The following ACTR1A variants were observed in gnomAD, a reference collection of about 807,000 sequenced individuals.
ACTR1A encodes the protein alpha-centractin.
Under a neutral mutation model 50.7 loss-of-function variants are expected in ACTR1A, and 10 were observed. The ratio of observed to expected loss-of-function variants is 0.20; its 90% CI spans 0.12 to 0.33. ACTR1A has a LOEUF of 0.33. Among genes scored for constraint, ACTR1A ranks in the 10% least tolerant of loss-of-function variants. ACTR1A has a pLI of 1.00. For missense variants in ACTR1A, 253 were observed against 491.7 expected (o/e 0.51, Z 4.59); for synonymous variants, 177 against 184.2 (o/e 0.96, Z 0.32).
chr10:102,498,338 A>T (rs715440), intron 1 of ACTR1A, among the ~76,000 whole-genome samples: 67,557 of 147,488 alleles, frequency 0.46, 16,188 homozygotes, highest in Middle Eastern at 0.6. Flanking sequence ...TTTTTTTTTT[A>T]AAGGGGGCTG....
At chr10:102,485,542 A>G in intron 5 of ACTR1A, 67 bp downstream of exon 5, 1 of 1,600,760 alleles carries the variant, frequency 6.2e-7, no homozygotes, top group East Asian at 2.2e-5. Context: ...TCCAGAGGAG[A>G]GCCAGCCTCA....
Position 102,479,352 on chromosome 10 carries a change from C to G in ACTR1A, c.*1511G>C, listed in dbSNP as rs941444389. 2.7e-6 allele frequency: 1 copy of G among 372,456 alleles called. No homozygotes were observed. The highest frequency in any genetic ancestry group is 5.2e-6 in the Non-Finnish European group (1 of 191,774). The allele number at this position is 372,456 out of a possible 1,614,324, so 23.1% of individuals were successfully genotyped here. ...AAGGGAGGTGAGTTGGTTAAGCGCA[C>G]TGCAGTCCGCGGGGCGCTACGTTGC... On this transcript the variant is annotated 3_prime_UTR_variant, in exon 11 of 11. Transcript: ENST00000369905. The surrounding 1 kb of genome is among the most constrained non-coding windows in gnomAD (Gnocchi z 4.0).
Position 102,480,599 on chromosome 10 carries a change from A to C in ACTR1A, c.*264T>G. The C allele has an allele frequency of 2.0e-6, 1 of 510,840 alleles. No individual in the cohort carries two copies. Among genetic ancestry groups the C allele is most frequent in the South Asian group, 2.4e-5 (1 of 41,266 alleles). The allele number at this position is 510,840 out of a possible 1,614,324, so 31.6% of individuals were successfully genotyped here. ...ACAGCCAGCCAGAGGCCACCTGAGG[A>C]GGGAGCACAGCCTCTGCCAGCGCTC... is the stretch of plus-strand genomic sequence containing the variant. On this transcript the variant is annotated 3_prime_UTR_variant, in exon 11 of 11. Transcript: ENST00000369905.
In ACTR1A at chr10:102,483,819, T is replaced by C. The variant is rs376803047; in HGVS notation, c.657+341A>G. The C allele has an allele frequency of 1.4e-4, 40 of 292,544 alleles. 1 individual carries two copies. In the East Asian group the frequency reaches 3.0e-3, roughly 22 times the overall value. The allele number at this position is 292,544 out of a possible 1,614,324, so 18.1% of individuals were successfully genotyped here. A position where few individuals can be genotyped will look rare whatever the true frequency, so the allele number is the denominator to read the frequency against. The stretch of plus-strand genomic sequence containing the variant: ...GAGATCACACCATTGCACTGCAGCC[T>C]GGGCGACAGAGCGAGACTCCATCTC... On this transcript the variant is annotated intron_variant, in intron 6 of 10. Transcript: ENST00000369905.
At position 102,479,766 on chromosome 10, in the gene ACTR1A, T is replaced by A; in HGVS notation, c.*1097A>T. 8.8e-6 allele frequency: 9 copies of A among 1,019,546 alleles called. No homozygotes were observed. The highest frequency in any genetic ancestry group is 1.2e-5 in the Non-Finnish European group (9 of 764,334). 63.2% of individuals were successfully genotyped at this position (1,019,546 alleles called of 1,614,324 possible). On this transcript the variant is annotated 3_prime_UTR_variant, in exon 11 of 11. Transcript: ENST00000369905. The surrounding 1 kb of genome is among the most constrained non-coding windows in gnomAD (Gnocchi z 4.0). ...TTTCTCCAGTCTTAAGGGCACTGGC[T>A]CTCCAACACCCCTCCCTTGCTTAGG...
At chr10:102,481,272 C>A in intron 9 of ACTR1A, 100 bp from the exon 10 acceptor site, 1 of 1,344,516 alleles carries the variant, frequency 7.4e-7, no homozygotes, top group East Asian at 2.3e-5. Flanking sequence ...ATACATTTTA[C>A]ACAAGCCTGA....
intron 1 of ACTR1A, among the ~76,000 whole-genome samples, chr10:102,495,455 G>T (rs2062215509): frequency 1.3e-5 from 2 of 151,886 alleles, no homozygotes; most frequent in African/African-American, 2.4e-5. Context: ...TGTAGTCCCA[G>T]CTACTCTGGA....
Position 102,483,079 on chromosome 10 carries a change from G to T in ACTR1A, c.682C>A (p.Pro228Thr). 1 of 1,614,142 alleles carries T rather than the reference G, an allele frequency of 6.2e-7. No individual in the cohort carries two copies. Among genetic ancestry groups the T allele is most frequent in the Non-Finnish European group, 8.5e-7 (1 of 1,179,994 alleles). The change falls in exon 7 of 11, where the codon CCC becomes ACC. Residue 228 changes from proline (P) to threonine (T), a missense_variant. Physicochemically the swap from Pro to Thr is conservative, Grantham distance 38. This residue lies in a region of ACTR1A where 116 missense variants were observed against 155.9 expected (regional missense o/e 0.74). Transcript: ENST00000369905. Reference protein sequence around the residue: ...KERACYLSINPQKDETLETEK... With the variant: ...KERACYLSINTQKDETLETEK... ...GTCTCTAGCGTCTCATCCTTTTGGG[G>T]GTTTATGGATAGGTAACAGGCTCTC... is the stretch of plus-strand genomic sequence containing the variant.
chr10:102,489,012 A>T (rs370429641), intron 3 of ACTR1A, 51 bp downstream of exon 3: 56 of 1,382,282 alleles, frequency 4.1e-5, no homozygotes, highest in Non-Finnish European at 5.3e-5. Context: ...TGTGGTGAAT[A>T]ATGAAGGTCC....
Position 102,488,138 on chromosome 10 carries a change from C to T in ACTR1A, c.315+12G>A. On this transcript the variant is annotated intron_variant, in intron 4 of 10. Transcript: ENST00000369905. This position sits in a 1 kb window ranked among gnomAD's most constrained non-coding sequence, Gnocchi z 4.4. Reference sequence around the variant, plus strand: ...ATACCCTACAGGAGTGCCCTACACACAGGATCCTCACCTCCTCTGAGAAAG... The same window carrying T: ...ATACCCTACAGGAGTGCCCTACACATAGGATCCTCACCTCCTCTGAGAAAG... 1 of 1,609,744 alleles carries T rather than the reference C, an allele frequency of 6.2e-7. No individual in the cohort carries two copies. The highest frequency in any genetic ancestry group is 8.5e-7 in the Non-Finnish European group (1 of 1,176,338).
At chr10:102,502,507 CAA>C in intron 1 of ACTR1A, 91 bp downstream of exon 1, 1 of 1,430,396 alleles carries the variant, frequency 7.0e-7, no homozygotes, top group Non-Finnish European at 9.8e-7. Flanking sequence ...GGGCCAGTGA[CAA>C]AGAGCCGGCG....
chr10:102,482,964 G>C lies in ACTR1A; in HGVS notation c.750+47C>G. 6.7e-7 allele frequency: 1 copy of C among 1,487,230 alleles called. No homozygotes were observed. Among genetic ancestry groups the C allele is most frequent in the Non-Finnish European group, 9.4e-7 (1 of 1,065,148 alleles). The allele number at this position is 1,487,230 out of a possible 1,614,324, so 92.1% of individuals were successfully genotyped here. A position where few individuals can be genotyped will look rare whatever the true frequency, so the allele number is the denominator to read the frequency against. On this transcript the variant is annotated intron_variant, in intron 7 of 10. Transcript: ENST00000369905. This position sits in a 1 kb window ranked among gnomAD's most constrained non-coding sequence, Gnocchi z 5.6. The stretch of plus-strand genomic sequence containing the variant: ...ATGGAGAATTCTGGTTGGGCCCAGA[G>C]CTTTTGTGGACCTAAGGGGACCGAA...
chr10:102,481,511 G>A (rs971103422), intron 9 of ACTR1A, among the ~76,000 whole-genome samples: 6 of 152,182 alleles, frequency 3.9e-5, no homozygotes, highest in Non-Finnish European at 8.8e-5. Context: ...GGAGCCACCT[G>A]GGCAGGGGGC....
chr10:102,479,359 C>T lies in ACTR1A; in HGVS notation c.*1504G>A, dbSNP rs2062126276. ...GTGAGTTGGTTAAGCGCACTGCAGT[C>T]CGCGGGGCGCTACGTTGCTTTCACA... is the stretch of plus-strand genomic sequence containing the variant. On this transcript the variant is annotated 3_prime_UTR_variant, in exon 11 of 11. Transcript: ENST00000369905. This position sits in a 1 kb window ranked among gnomAD's most constrained non-coding sequence, Gnocchi z 4.0. The T allele has an allele frequency of 8.1e-6, 3 of 370,096 alleles. 1 individual carries two copies. In the Admixed American group the frequency reaches 1.1e-4, roughly 13 times the overall value. The allele number at this position is 370,096 out of a possible 1,614,324, so 22.9% of individuals were successfully genotyped here.
In ACTR1A at chr10:102,482,366, C is replaced by T; in HGVS notation, c.751-191G>A. ...CCTCCTGGAAACTAGTGAGGGGAGG[C>T]TCCTATATTTCCTTCTCGCTCTGGC... is the stretch of plus-strand genomic sequence containing the variant. On this transcript the variant is annotated intron_variant, in intron 7 of 10. Transcript: ENST00000369905. This position sits in a 1 kb window ranked among gnomAD's most constrained non-coding sequence, Gnocchi z 5.6. 1.7e-6 allele frequency: 1 copy of T among 604,020 alleles called. No individual in the cohort carries two copies. The highest frequency in any genetic ancestry group is 2.8e-5 in the East Asian group (1 of 35,944). The allele number at this position is 604,020 out of a possible 1,614,324, so 37.4% of individuals were successfully genotyped here. A position where few individuals can be genotyped will look rare whatever the true frequency, so the allele number is the denominator to read the frequency against.
chr10:102,493,365 G>A (rs987266086), intron 1 of ACTR1A, among the ~76,000 whole-genome samples: 4 of 152,166 alleles, frequency 2.6e-5, no homozygotes, highest in African/African-American at 9.7e-5. Flanking sequence ...TGGGTCTCCC[G>A]GCAGAGGTTA....
intron 6 of ACTR1A, chr10:102,483,828 G>C (rs949494746): frequency 1.1e-4 from 34 of 311,286 alleles, no homozygotes; most frequent in African/African-American, 3.2e-4. Context: ...CTGGGCGACA[G>C]AGCGAGACTC....
rs2062147117 is a variant in ACTR1A, at chr10:102,482,283, T to G, written c.751-108A>C. The G allele has an allele frequency of 9.2e-7, 1 of 1,086,092 alleles. No individual in the cohort carries two copies. The highest frequency in any genetic ancestry group is 2.4e-5 in the East Asian group (1 of 42,188). 67.3% of individuals were successfully genotyped at this position (1,086,092 alleles called of 1,614,324 possible). ...ACGTCACTTAGTAACTGGGTGGCTA[T>G]GAAGGCCAGGCTCAAGACAGACTCT... On this transcript the variant is annotated intron_variant, in intron 7 of 10. Coordinates refer to ENST00000369905, the MANE Select transcript of ACTR1A (RefSeq NM_005736.4). The surrounding 1 kb of genome is among the most constrained non-coding windows in gnomAD (Gnocchi z 5.6).
At position 102,482,885 on chromosome 10, in the gene ACTR1A, AGGGGTTG is replaced by A. The variant is rs1326125354; in HGVS notation, c.750+119_750+125del. On this transcript the variant is annotated intron_variant, in intron 7 of 10. Transcript: ENST00000369905. The surrounding 1 kb of genome is among the most constrained non-coding windows in gnomAD (Gnocchi z 5.6). ...CTGGGCCACGTGCAGCCCATGGGCCAGGGGTTGGACAAGCTTGGTGTAAAGGGACTGG... is the reference window on the plus strand; with the variant it reads ...CTGGGCCACGTGCAGCCCATGGGCCAGACAAGCTTGGTGTAAAGGGACTGG... The A allele has an allele frequency of 1.7e-5, 13 of 762,754 alleles. No homozygotes were observed. In the Admixed American group the frequency reaches 2.6e-4, roughly 15 times the overall value. 47.2% of individuals were successfully genotyped at this position (762,754 alleles called of 1,614,324 possible).
Sources: gnomAD v4.1 joint callset for allele counts (sites outside exome capture counted in the v4.1 genomes callset) on GRCh38, gnomAD v4.1.1 for gene constraint, gnomAD v4.1.1 regional missense constraint, Gnocchi (gnomAD v3.1) non-coding constraint, MANE v1.5 for transcripts, NCBI Gene and HGNC (gene_info 2026-07-23, HGNC 2026-07-21) for gene names.